LRP4: variants seen among roughly 807,000 people sequenced by gnomAD.
LRP4 encodes the protein LDL receptor related protein 4, also known as low-density lipoprotein receptor-related protein 4.
LRP4 carries 95 observed loss-of-function variants against 220.3 expected under a neutral mutation model. The ratio of observed to expected loss-of-function variants is 0.43; its 90% CI spans 0.37 to 0.51. The LOEUF (loss-of-function observed/expected upper bound fraction) is 0.51. Among genes scored for constraint, LRP4 ranks in the 20% least tolerant of loss-of-function variants. The pLI, the probability that LRP4 is intolerant of heterozygous loss-of-function variation, is 0.00. For missense variants in LRP4, 1,925 were observed against 2,567.0 expected (o/e 0.75, Z 5.40); for synonymous variants, 903 against 954.6 (o/e 0.95, Z 1.00).
At chr11:46,900,163 A>G (rs1941636951) in intron 3 of LRP4, 99 bp downstream of exon 3, 1 of 1,049,180 alleles carries the variant, frequency 9.5e-7, no homozygotes, top group African/African-American at 1.6e-5. Flanking sequence ...AGTGCTGAAA[A>G]CACAAGGGCT....
intron 2 of LRP4, among the ~76,000 whole-genome samples, chr11:46,901,619 C>T (rs1941666998): frequency 6.6e-6 from 1 of 152,186 alleles, no homozygotes; most frequent in Non-Finnish European, 1.5e-5. Flanking sequence ...AGAGATTGCG[C>T]CTCTAATCCA....
In LRP4 at chr11:46,873,194, C is replaced by A; in HGVS notation, c.4489G>T (p.Glu1497Ter). Reference protein sequence around the residue: ...WTDWGHIAKIERANLDGSERK... With the variant: ...WTDWGHIAKI ...TCAGAACCATCCAAGTTTGCCCGTT[C>A]GATCTTGGCAATGTGGCCCCAGTCT... The change falls in exon 30 of 38, where the codon GAA becomes TAA. Residue 1497 changes from glutamate (E) to a stop codon, truncating the protein, a stop_gained. Coordinates refer to ENST00000378623, the MANE Select transcript of LRP4 (RefSeq NM_002334.4). LOFTEE classifies it high-confidence loss of function. This position sits in a 1 kb window ranked among gnomAD's most constrained non-coding sequence, Gnocchi z 4.2. The A allele has an allele frequency of 6.2e-7, 1 of 1,614,182 alleles. No homozygotes were observed. Among genetic ancestry groups the A allele is most frequent in the Non-Finnish European group, 8.5e-7 (1 of 1,180,026 alleles).
intron 1 of LRP4, among the ~76,000 whole-genome samples, chr11:46,908,812 G>A (rs1466547828): frequency 6.6e-6 from 1 of 152,218 alleles, no homozygotes; most frequent in African/African-American, 2.4e-5. Flanking sequence ...CAGGGAACAG[G>A]GCTTCCCATA....
At position 46,899,508 on chromosome 11, in the gene LRP4, G is replaced by C; in HGVS notation, c.431-5C>G. On this transcript the variant is annotated splice_polypyrimidine_tract_variant and splice_region_variant and intron_variant, in intron 4 of 37. Coordinates refer to ENST00000378623, the MANE Select transcript of LRP4 (RefSeq NM_002334.4). The surrounding 1 kb of genome is among the most constrained non-coding windows in gnomAD (Gnocchi z 5.9). ...TGTCGGAGCACTTGCGCATGTCTGG[G>C]GGGATGCGATGGGACAGCAGTTCTG... 6.3e-7 allele frequency: 1 copy of C among 1,598,504 alleles called. No individual in the cohort carries two copies. Among genetic ancestry groups the C allele is most frequent in the Non-Finnish European group, 8.6e-7 (1 of 1,166,694 alleles).
rs1259154546 is a variant in LRP4 at position 46,875,050 on chromosome 11, G to A, written c.3979C>T (p.Arg1327Trp). 4 of 1,613,466 alleles carry A rather than the reference G, an allele frequency of 2.5e-6. No homozygotes were observed. Among genetic ancestry groups the A allele is most frequent in the African/African-American group, 1.3e-5 (1 of 74,934 alleles). ...CAGGCACAGGAGAAGCCAGAAGGCC[G>A]AGGCAAGCAGAGGTGGGAGCAGCCG... ...NGGCSHLCLP[R>W]PSGFSCACPT... is the part of the protein sequence containing the mutation. The change falls in exon 28 of 38, where the codon CGG (arginine) becomes TGG (tryptophan). Residue 1327 changes from arginine to tryptophan, a missense_variant. By Grantham distance (101) the Arg-to-Trp change is moderately radical. Around this residue, in one of 3 missense-constraint regions of LRP4, gnomAD observed 1,244 missense variants for 1,624.9 expected, o/e 0.77. Transcript: ENST00000378623. The surrounding 1 kb of genome is among the most constrained non-coding windows in gnomAD (Gnocchi z 4.5).
intron 1 of LRP4, among the ~76,000 whole-genome samples, chr11:46,909,933 C>T (rs945233324): frequency 3.9e-5 from 6 of 152,166 alleles, no homozygotes; most frequent in African/African-American, 7.2e-5. Context: ...TACAAGAGTT[C>T]CTTTCACCAG....
In LRP4 at chr11:46,893,123, A is replaced by T; in HGVS notation, c.1547T>A (p.Leu516Gln). 6.2e-7 allele frequency: 1 copy of T among 1,614,180 alleles called. No individual in the cohort carries two copies. The highest frequency in any genetic ancestry group is 8.5e-7 in the Non-Finnish European group (1 of 1,180,008). ...VSTGLESPGG[L>Q]AVDWVHDKLY... ...TTTGTCATGGACCCAATCCACAGCC[A>T]GGCCCCCTGGTGAGAAGCAGCAGCA... Residue 516 changes from leucine to glutamine, a missense_variant, in exon 13 of 38, where the codon CTG becomes CAG. Leu to Gln is a moderately radical substitution (Grantham distance 113). This residue lies in a region of LRP4 where 269 missense variants were observed against 436.7 expected (regional missense o/e 0.62). Coordinates refer to ENST00000378623, the MANE Select transcript of LRP4 (RefSeq NM_002334.4).
Position 46,858,746 on chromosome 11 carries a change from T to C in LRP4, c.*237A>G. 1 of 577,008 alleles carries C rather than the reference T, an allele frequency of 1.7e-6. No individual in the cohort carries two copies. The highest frequency in any genetic ancestry group is 3.2e-6 in the Non-Finnish European group (1 of 316,666). The allele number at this position is 577,008 out of a possible 1,614,324, so 35.7% of individuals were successfully genotyped here. A position where few individuals can be genotyped will look rare whatever the true frequency, so the allele number is the denominator to read the frequency against. On this transcript the variant is annotated 3_prime_UTR_variant, in exon 38 of 38. Coordinates refer to ENST00000378623, the MANE Select transcript of LRP4 (RefSeq NM_002334.4). ...AGGGGGCCCAGGATGGAGTACAAGA[T>C]GTGAGGTTCATGGTAAAATCCAGGT...
In LRP4 at chr11:46,918,486, G is replaced by A. The variant is rs529556726; in HGVS notation, c.-107C>T. 1.4e-5 allele frequency: 11 copies of A among 774,120 alleles called. No homozygotes were observed. The African/African-American group carries it at 1.8e-4, about 13-fold the overall frequency. 48.0% of individuals were successfully genotyped at this position (774,120 alleles called of 1,614,324 possible). ...GGGGGAAGCGTCCCGGGTGCACGGC[G>A]GCCTGCGCGCCCCGCAAGTCGCCCT... On this transcript the variant is annotated 5_prime_UTR_variant, in exon 1 of 38. Coordinates refer to ENST00000378623, the MANE Select transcript of LRP4 (RefSeq NM_002334.4). This position sits in a 1 kb window ranked among gnomAD's most constrained non-coding sequence, Gnocchi z 6.0.
intron 8 of LRP4, among the ~76,000 whole-genome samples, chr11:46,896,606 G>T (rs1941535267): frequency 6.6e-6 from 1 of 152,242 alleles, no homozygotes; most frequent in Non-Finnish European, 1.5e-5. Context: ...GAGCACACAT[G>T]GGGGCTGCCA....
In LRP4 at chr11:46,873,268, T is replaced by C; in HGVS notation, c.4449-34A>G. On this transcript the variant is annotated intron_variant, in intron 29 of 37. Coordinates refer to ENST00000378623, the MANE Select transcript of LRP4 (RefSeq NM_002334.4). The surrounding 1 kb of genome is among the most constrained non-coding windows in gnomAD (Gnocchi z 4.2). ...CAACAGTGCCATCATCATCAAGGCA[T>C]GGGAAGACAGCACCCAGAGGTTGAG... 1 of 1,614,126 alleles carries C rather than the reference T, an allele frequency of 6.2e-7. No individual in the cohort carries two copies. The highest frequency in any genetic ancestry group is 1.1e-5 in the South Asian group (1 of 91,076).
At chr11:46,877,446 T>C in intron 22 of LRP4, 107 bp from the exon 23 acceptor site, 10 of 1,188,348 alleles carry the variant, frequency 8.4e-6, no homozygotes, top group South Asian at 3.7e-5. Flanking sequence ...TTTCTAGCTA[T>C]GTTATTCTAG....
intron 34 of LRP4, among the ~76,000 whole-genome samples, chr11:46,867,608 T>C (rs548243969): frequency 9.9e-5 from 15 of 152,284 alleles, no homozygotes; most frequent in Non-Finnish European, 1.8e-4. Flanking sequence ...ATTACAGGCA[T>C]GTGCCACCAC....
chr11:46,900,218 A>G (rs1941637888), intron 3 of LRP4, 44 bp downstream of exon 3: 1 of 1,414,198 alleles, frequency 7.1e-7, no homozygotes, highest in Non-Finnish European at 1.0e-6. Flanking sequence ...ATCCTTTCCC[A>G]GTGGAACTCA....
chr11:46,895,156 C>T lies in LRP4; in HGVS notation c.1309+10G>A. 1.2e-6 allele frequency: 2 copies of T among 1,613,814 alleles called. No individual in the cohort carries two copies. The highest frequency in any genetic ancestry group is 1.3e-5 in the African/African-American group (1 of 75,042). On this transcript the variant is annotated intron_variant, in intron 11 of 37. Transcript: ENST00000378623. ...CTCTGCCCACCCAGCCAAGTGCCAACAGCCCTTACCCAGAGCCTTGCAGCT... is the reference window on the plus strand; with the variant it reads ...CTCTGCCCACCCAGCCAAGTGCCAATAGCCCTTACCCAGAGCCTTGCAGCT...
In LRP4 at chr11:46,875,616, T is replaced by G; in HGVS notation, c.3765A>C (p.Pro1255=). Residue 1255 remains proline, a synonymous_variant, in exon 27 of 38, where the codon CCA becomes CCC. Coordinates refer to ENST00000378623, the MANE Select transcript of LRP4 (RefSeq NM_002334.4). This position sits in a 1 kb window ranked among gnomAD's most constrained non-coding sequence, Gnocchi z 4.5. ...RHTLVSPVQH[P]YGLTLLDSYI... ...AGGAGTCGAGCAGGGTGAGGCCATA[T>G]GGGTGCTGCACCGGTGACACCAATG... is the stretch of plus-strand genomic sequence containing the variant. The G allele has an allele frequency of 6.2e-7, 1 of 1,614,130 alleles. No homozygotes were observed. The highest frequency in any genetic ancestry group is 1.1e-5 in the South Asian group (1 of 91,084).
In LRP4 at chr11:46,918,374, C is replaced by G. The variant is rs1941985745; in HGVS notation, c.6G>C (p.Arg2Ser). Residue 2 changes from arginine (R) to serine (S), a missense_variant, in exon 1 of 38, where the codon AGG becomes AGC. Arg to Ser is a moderately radical substitution (Grantham distance 110). This residue lies in a region of LRP4 where 412 missense variants were observed against 505.4 expected (regional missense o/e 0.82). Coordinates refer to ENST00000378623, the MANE Select transcript of LRP4 (RefSeq NM_002334.4). The surrounding 1 kb of genome is among the most constrained non-coding windows in gnomAD (Gnocchi z 6.0). Reference protein sequence around the residue: MRRQWGALLLGA... With the variant: MSRQWGALLLGA... ...CAAGCAGCAGCGCGCCCCACTGCCG[C>G]CTCATGGTGCCGCCCGCGCCGCTCG... The G allele has an allele frequency of 6.8e-7, 1 of 1,465,104 alleles. No individual in the cohort carries two copies. The highest frequency in any genetic ancestry group is 9.0e-7 in the Non-Finnish European group (1 of 1,112,776). The allele number at this position is 1,465,104 out of a possible 1,614,324, so 90.8% of individuals were successfully genotyped here.
chr11:46,901,873 C>A (rs1941672056), intron 2 of LRP4, among the ~76,000 whole-genome samples: 1 of 151,968 alleles, frequency 6.6e-6, no homozygotes, highest in Admixed American at 6.6e-5. Context: ...GCTGGGACCT[C>A]AGGTGCCTGC....
chr11:46,914,739 C>T (rs1160857252), intron 1 of LRP4, among the ~76,000 whole-genome samples: 1 of 152,224 alleles, frequency 6.6e-6, no homozygotes, highest in Admixed American at 6.5e-5. Flanking sequence ...CCTAGTCAAC[C>T]AAGGGCACAG....
Sources: allele counts gnomAD v4.1 joint callset (sites outside exome capture counted in the v4.1 genomes callset), GRCh38; gene constraint gnomAD v4.1.1; regional missense constraint gnomAD v4.1.1; non-coding constraint Gnocchi (gnomAD v3.1); transcripts MANE v1.5; gene names NCBI Gene and HGNC (gene_info 2026-07-23, HGNC 2026-07-21).